The following GSN variants were observed in gnomAD, a reference collection of about 807,000 sequenced individuals.
GSN encodes actin-depolymerizing factor.
In GSN, 56 loss-of-function variants were observed where a neutral mutation model predicts 85.7. The observed-to-expected ratio is 0.65, with a 90% CI of 0.53 to 0.82. The LOEUF is 0.82. Ranked by LOEUF, GSN falls within the 40% of genes least tolerant of loss-of-function variation. GSN has a pLI of 0.00. For synonymous variants in GSN, 373 were observed against 399.1 expected, an observed-to-expected ratio of 0.93 and a Z score of 0.78; for missense variants, 857 against 979.8, an observed-to-expected ratio of 0.87 and a Z score of 1.67.
chr9:121,250,705 T>C, intron 6 of GSN, among the ~76,000 whole-genome samples: 1 of 151,182 alleles, frequency 6.6e-6, no homozygotes, highest in Admixed American at 6.6e-5. Flanking sequence ...GCCTGGCTTA[T>C]TTTTTGTATT....
intron 6 of GSN, among the ~76,000 whole-genome samples, chr9:121,251,221 A>C (rs2054828582): frequency 2.6e-5 from 2 of 78,070 alleles, no homozygotes; most frequent in African/African-American, 5.5e-5. Flanking sequence ...CTCACTCTTC[A>C]CCCAGGCTGA....
At chr9:121,219,622 A>G (rs537066565) in intron 4 of GSN, among the ~76,000 whole-genome samples, 2 of 152,290 alleles carry the variant, frequency 1.3e-5, no homozygotes, top group African/African-American at 4.8e-5. Flanking sequence ...GATTTGACTT[A>G]GGTCTCACCT....
At chr9:121,227,436 T>G (rs2054292222) in intron 4 of GSN, among the ~76,000 whole-genome samples, 1 of 151,768 alleles carries the variant, frequency 6.6e-6, no homozygotes, top group South Asian at 2.1e-4. Context: ...GTAAACGTGT[T>G]TCCCTGAGTT....
At chr9:121,224,246 G>A (rs71509560) in intron 4 of GSN, among the ~76,000 whole-genome samples, 3,282 of 151,998 alleles carry the variant, frequency 0.022, 82 homozygotes, top group Middle Eastern at 0.062. Flanking sequence ...ACAGGCGCCC[G>A]TCACCACGCC....
At chr9:121,211,072 A>T (rs2132072297) in intron 4 of GSN, among the ~76,000 whole-genome samples, 1 of 152,390 alleles carries the variant, frequency 6.6e-6, no homozygotes, top group South Asian at 2.1e-4. Context: ...TTAGCCCGTC[A>T]CAAAGAGACA....
At chr9:121,255,502 C>G (rs1432930724) in intron 6 of GSN, among the ~76,000 whole-genome samples, 1 of 152,188 alleles carries the variant, frequency 6.6e-6, no homozygotes, top group Non-Finnish European at 1.5e-5. Flanking sequence ...TCCCAAAGTG[C>G]TGAGATTATG....
chr9:121,234,397 A>C (rs1564347534), intron 5 of GSN, among the ~76,000 whole-genome samples: 1 of 152,204 alleles, frequency 6.6e-6, no homozygotes, highest in Non-Finnish European at 1.5e-5. Context: ...GACTCACAGC[A>C]CCGATCCCTT....
chr9:121,306,249 C>G (rs1564498420), intron 4 of GSN, among the ~76,000 whole-genome samples: 1 of 152,196 alleles, frequency 6.6e-6, no homozygotes, highest in Non-Finnish European at 1.5e-5. Flanking sequence ...TCACTGGAAC[C>G]TTTCTGTCCT....
intron 7 of GSN, among the ~76,000 whole-genome samples, chr9:121,316,842 T>C (rs899747259): frequency 8.5e-5 from 13 of 152,104 alleles, no homozygotes; most frequent in Non-Finnish European, 1.9e-4. Context: ...CTGCACCCAA[T>C]TCCCCAAATT....
intron 1 of GSN, among the ~76,000 whole-genome samples, chr9:121,276,563 A>G (rs1337368710): frequency 6.6e-6 from 1 of 152,280 alleles, no homozygotes; most frequent in Admixed American, 6.5e-5. Context: ...CCTCATCTCA[A>G]AACTTTCCAA....
chr9:121,232,489 A>G (rs1231536312), intron 5 of GSN, among the ~76,000 whole-genome samples: 1 of 152,218 alleles, frequency 6.6e-6, no homozygotes, highest in Non-Finnish European at 1.5e-5. Flanking sequence ...GTGTGTATGC[A>G]TGATAGGGAT....
At chr9:121,321,893 C>G (rs1471323900) in intron 11 of GSN, among the ~76,000 whole-genome samples, 2 of 152,104 alleles carry the variant, frequency 1.3e-5, no homozygotes, top group Non-Finnish European at 2.9e-5. Flanking sequence ...AGGCACCCAC[C>G]ACCATGCCTG....
At chr9:121,218,069 TCA>T (rs2054100828) in intron 4 of GSN, among the ~76,000 whole-genome samples, 1 of 152,184 alleles carries the variant, frequency 6.6e-6, no homozygotes, top group Non-Finnish European at 1.5e-5. Context: ...ATGCCCTGAC[TCA>T]CAGTTTAGCT....
chr9:121,305,992 C>T (rs2060375394), intron 4 of GSN, among the ~76,000 whole-genome samples: 1 of 152,224 alleles, frequency 6.6e-6, no homozygotes, highest in South Asian at 2.1e-4. Flanking sequence ...CTAGAAAGGG[C>T]TGACATGGGG....
chr9:121,324,935 G>A (rs896132997), intron 12 of GSN, among the ~76,000 whole-genome samples: 1 of 152,168 alleles, frequency 6.6e-6, no homozygotes, highest in African/African-American at 2.4e-5. Context: ...CACACCAATG[G>A]CTATGACAGA....
intron 13 of GSN, among the ~76,000 whole-genome samples, chr9:121,326,967 A>C (rs577999970): frequency 1.3e-5 from 2 of 152,142 alleles, no homozygotes; most frequent in Non-Finnish European, 2.9e-5. Context: ...GTTGCCTACT[A>C]TCCCTTTCAC....
intron 5 of GSN, among the ~76,000 whole-genome samples, chr9:121,242,254 C>T (rs1260270011): frequency 6.6e-6 from 1 of 152,086 alleles, no homozygotes; most frequent in Non-Finnish European, 1.5e-5. Flanking sequence ...ACTCTAAGGG[C>T]CTTTGCAGCT....
Position 121,245,080 on chromosome 9 carries a change from AC to A in GSN, c.-388-3193del, listed in dbSNP as rs148838173. The stretch of plus-strand genomic sequence containing the variant: ...GTAAAAATAATGTTAAATTAAAATG[AC>A]CCTGTGTGTCCAGTTGATGACGTAA... On this transcript the variant is annotated intron_variant, in intron 5 of 24. Transcript: ENST00000373823. 7.2e-5 allele frequency among the ~76,000 whole-genome samples: 11 copies of A among 152,286 alleles called. No homozygotes were observed. The East Asian group carries it at 2.1e-3, about 29-fold the overall frequency.
intron 4 of GSN, among the ~76,000 whole-genome samples, chr9:121,214,025 C>A (rs1447801601): frequency 6.6e-6 from 1 of 152,198 alleles, no homozygotes; most frequent in East Asian, 1.9e-4. Flanking sequence ...GTCTCAGTCT[C>A]CTTATCTGAA....
Sources: allele counts gnomAD v4.1 joint callset (sites outside exome capture counted in the v4.1 genomes callset), GRCh38; gene constraint gnomAD v4.1.1; transcripts MANE v1.5; gene names NCBI Gene and HGNC (gene_info 2026-07-23, HGNC 2026-07-21).